Variants in EDIL3 observed in about 807,000 individuals in gnomAD.
EDIL3 encodes EGF like and discoidin domains 3.
In EDIL3, 37 loss-of-function variants were observed where a neutral mutation model predicts 67.4. The ratio of observed to expected loss-of-function variants is 0.55; its 90% confidence interval spans 0.42 to 0.72. The LOEUF is 0.72. Ranked by LOEUF, EDIL3 falls within the 30% of genes least tolerant of loss-of-function variation. The pLI is 0.00. For synonymous variants in EDIL3, 195 were observed against 196.3 expected, an observed-to-expected ratio of 0.99 and a Z score of 0.05; for missense variants, 527 against 586.3, an observed-to-expected ratio of 0.90 and a Z score of 1.04.
chr5:84,077,868 A>T (rs1245898313), intron 6 of EDIL3, among the ~76,000 whole-genome samples: 3 of 149,232 alleles, frequency 2.0e-5, no homozygotes, highest in African/African-American at 7.4e-5. Flanking sequence ...TTTTTTGCAA[A>T]TCACATAGAC....
intron 4 of EDIL3, among the ~76,000 whole-genome samples, chr5:84,150,365 G>A (rs1212430641): frequency 1.3e-5 from 2 of 151,916 alleles, no homozygotes; most frequent in African/African-American, 4.8e-5. Flanking sequence ...CCACAGATTG[G>A]GAGAACATAT....
At chr5:84,204,804 T>TAA (rs11322668) in intron 3 of EDIL3, among the ~76,000 whole-genome samples, 3 of 138,394 alleles carry the variant, frequency 2.2e-5, no homozygotes, top group African/African-American at 5.3e-5. Flanking sequence ...GGCCAATATT[T>TAA]AAAAAAAAAA....
rs1236742092 is a variant in EDIL3 at position 84,356,901 on chromosome 5, T to TC, written c.67+27406_67+27407insG. Among the ~76,000 whole-genome samples, 481 of 144,106 alleles carry TC rather than the reference T, an allele frequency of 3.3e-3. 4 individuals carry two copies. Among genetic ancestry groups the TC allele is most frequent in the African/African-American group, 0.012 (458 of 39,138 alleles). The allele number at this position is 144,106 out of a possible 152,430, so 94.5% of individuals were successfully genotyped here. On this transcript the variant is annotated intron_variant, in intron 1 of 10. Coordinates refer to ENST00000296591, the MANE Select transcript of EDIL3 (RefSeq NM_005711.5). ...ACAATCTTTCTTTCTTTTTTTTTTT[T>TC]TTTTTTTTTTTTTTGGTCTCTCTCT...
intron 8 of EDIL3, among the ~76,000 whole-genome samples, chr5:84,063,847 T>C (rs1290619424): frequency 6.6e-6 from 1 of 152,172 alleles, no homozygotes; most frequent in Non-Finnish European, 1.5e-5. Context: ...TTCACAGTTA[T>C]TTGAACAAAA....
At chr5:84,222,977 A>G (rs907073506) in intron 3 of EDIL3, among the ~76,000 whole-genome samples, 2 of 151,770 alleles carry the variant, frequency 1.3e-5, no homozygotes, top group Non-Finnish European at 3.0e-5. Flanking sequence ...GAAGCTTTTT[A>G]GACTGATGTG....
chr5:84,251,299 G>A (rs1330016452), intron 2 of EDIL3, among the ~76,000 whole-genome samples: 1 of 151,952 alleles, frequency 6.6e-6, no homozygotes, highest in Non-Finnish European at 1.5e-5. Flanking sequence ...ATTTGGTAGA[G>A]ACAGGGTTTC....
intron 9 of EDIL3, among the ~76,000 whole-genome samples, chr5:84,051,974 C>T (rs186384347): frequency 5.3e-5 from 8 of 152,176 alleles, no homozygotes; most frequent in African/African-American, 1.9e-4. Flanking sequence ...CAAAGATACT[C>T]CTCGAGAAGA....
intron 9 of EDIL3, among the ~76,000 whole-genome samples, chr5:84,033,897 A>C (rs1745972412): frequency 6.6e-6 from 1 of 152,026 alleles, no homozygotes; most frequent in African/African-American, 2.4e-5. Flanking sequence ...CTTTAATATG[A>C]CAGTTAGACA....
chr5:84,274,151 G>A, intron 1 of EDIL3, among the ~76,000 whole-genome samples: 1 of 152,020 alleles, frequency 6.6e-6, no homozygotes, highest in East Asian at 1.9e-4. Context: ...CTGTCACCCA[G>A]GCTGGAGTTC....
intron 5 of EDIL3, among the ~76,000 whole-genome samples, chr5:84,107,750 A>G (rs986919184): frequency 4.0e-5 from 6 of 150,030 alleles, no homozygotes; most frequent in African/African-American, 1.5e-4. Flanking sequence ...TTACATATAT[A>G]TTTGTATTAT....
chr5:84,242,842 C>A (rs1318069334), intron 2 of EDIL3, among the ~76,000 whole-genome samples: 1 of 114,704 alleles, frequency 8.7e-6, no homozygotes, highest in Non-Finnish European at 1.8e-5. Flanking sequence ...ATTATTATTT[C>A]TTCGAGTTTG....
intron 1 of EDIL3, among the ~76,000 whole-genome samples, chr5:84,341,138 C>T (rs1747108933): frequency 6.6e-6 from 1 of 152,148 alleles, no homozygotes; most frequent in East Asian, 1.9e-4. Flanking sequence ...CCTGATGGAT[C>T]CATCAGGCTT....
chr5:84,322,715 G>A (rs919778614), intron 1 of EDIL3, among the ~76,000 whole-genome samples: 2 of 151,886 alleles, frequency 1.3e-5, no homozygotes, highest in African/African-American at 4.8e-5. Context: ...CATCCAAAAG[G>A]TCGATGAACT....
At chr5:83,984,254 T>C (rs2112152152) in intron 9 of EDIL3, among the ~76,000 whole-genome samples, 1 of 151,118 alleles carries the variant, frequency 6.6e-6, no homozygotes, top group Non-Finnish European at 1.5e-5. Context: ...TAGAATACAG[T>C]GTGTGTGAAA....
At chr5:84,317,626 C>A (rs1176144277) in intron 1 of EDIL3, among the ~76,000 whole-genome samples, 1 of 151,840 alleles carries the variant, frequency 6.6e-6, no homozygotes, top group Non-Finnish European at 1.5e-5. Flanking sequence ...AAAAAAAGTC[C>A]AGGACCAGAT....
At chr5:83,963,540 G>A (rs1367414652) in intron 9 of EDIL3, among the ~76,000 whole-genome samples, 180 bp from the exon 10 acceptor site, 1 of 151,552 alleles carries the variant, frequency 6.6e-6, no homozygotes, top group Non-Finnish European at 1.5e-5. Context: ...ATTGCCACTG[G>A]GTTAATGTAG....
intron 1 of EDIL3, among the ~76,000 whole-genome samples, chr5:84,307,443 T>A (rs1424946108): frequency 6.6e-6 from 1 of 152,120 alleles, no homozygotes; most frequent in African/African-American, 2.4e-5. Context: ...TGCAGGAATG[T>A]TATATAAGCT....
intron 3 of EDIL3, among the ~76,000 whole-genome samples, chr5:84,212,712 A>C (rs1228693442): frequency 6.6e-6 from 1 of 152,196 alleles, no homozygotes; most frequent in Non-Finnish European, 1.5e-5. Flanking sequence ...GCCTGGATTA[A>C]AGCTTTGGGG....
chr5:83,951,263 C>G (rs903001567), intron 10 of EDIL3, among the ~76,000 whole-genome samples: 1 of 151,708 alleles, frequency 6.6e-6, no homozygotes, highest in Non-Finnish European at 1.5e-5. Context: ...CATTGTTGCT[C>G]TCAAGAAATT....
Sources: allele counts gnomAD v4.1 joint callset (sites outside exome capture counted in the v4.1 genomes callset), GRCh38; gene constraint gnomAD v4.1.1; transcripts MANE v1.5; gene names NCBI Gene and HGNC (gene_info 2026-07-23, HGNC 2026-07-21).